PSEN1: variants seen among roughly 807,000 people sequenced by gnomAD.
PSEN1 encodes the protein presenilin-1.
In PSEN1, 15 loss-of-function variants were observed where a neutral mutation model predicts 53.5. The ratio of observed to expected loss-of-function variants is 0.28; its 90% confidence interval spans 0.19 to 0.43. The LOEUF is 0.43. Ranked by LOEUF, PSEN1 falls within the 20% of genes least tolerant of loss-of-function variation. PSEN1 has a pLI of 1.00. For missense variants in PSEN1, 387 were observed against 571.2 expected (o/e 0.68, Z 3.29); for synonymous variants, 208 against 209.8 (o/e 0.99, Z 0.08).
intron 7 of PSEN1, among the ~76,000 whole-genome samples, chr14:73,197,469 T>G (rs1899002163): frequency 6.6e-6 from 1 of 152,234 alleles, no homozygotes; most frequent in South Asian, 2.1e-4. Context: ...TTATTTAAAT[T>G]TACTGCCCTC....
At position 73,221,014 on chromosome 14, in the gene PSEN1, A is replaced by G. The variant is rs886050671; in HGVS notation, c.*1725A>G. On this transcript the variant is annotated 3_prime_UTR_variant, in exon 12 of 12. Coordinates refer to ENST00000324501, the MANE Select transcript of PSEN1 (RefSeq NM_000021.4). ...GTTTTCTCTCCCAATCTATGATATG[A>G]TATGACCTGGTTTGGGGCTGTCTTT... 17 of 152,140 alleles carry G rather than the reference A, an allele frequency of 1.1e-4. No individual in the cohort carries two copies. The highest frequency in any genetic ancestry group is 1.8e-4 in the Non-Finnish European group (12 of 68,062). The allele number at this position is 152,140 out of a possible 1,614,324, so 9.4% of individuals were successfully genotyped here.
chr14:73,192,574 A>G, intron 6 of PSEN1, 70 bp from the exon 7 acceptor site: 1 of 1,085,144 alleles, frequency 9.2e-7, no homozygotes, highest in Non-Finnish European at 1.4e-6. Flanking sequence ...GGGAGCCATC[A>G]CATTATTCTA....
intron 6 of PSEN1, among the ~76,000 whole-genome samples, chr14:73,188,677 G>A (rs529495032): frequency 1.5e-4 from 23 of 152,268 alleles, no homozygotes; most frequent in African/African-American, 5.5e-4. Context: ...ATTATAAAAT[G>A]TATGCATCTC....
At chr14:73,210,996 C>T (rs936933743) in intron 9 of PSEN1, among the ~76,000 whole-genome samples, 4 of 152,174 alleles carry the variant, frequency 2.6e-5, no homozygotes, top group East Asian at 1.9e-4. Flanking sequence ...ACTCCCCGCT[C>T]CTTTCCCAAT....
chr14:73,157,337 C>T (rs1255079036), intron 3 of PSEN1, among the ~76,000 whole-genome samples: 1 of 151,670 alleles, frequency 6.6e-6, no homozygotes, highest in Non-Finnish European at 1.5e-5. Flanking sequence ...TGGGGTTTCA[C>T]CGTGTTGGCC....
At chr14:73,162,453 T>C (rs1897578709) in intron 3 of PSEN1, among the ~76,000 whole-genome samples, 1 of 148,050 alleles carries the variant, frequency 6.8e-6, no homozygotes, top group Non-Finnish European at 1.5e-5. Flanking sequence ...GCGCGCTCTC[T>C]CTCTCTCTCT....
chr14:73,161,548 T>A (rs763772976), intron 3 of PSEN1, among the ~76,000 whole-genome samples: 2 of 152,140 alleles, frequency 1.3e-5, no homozygotes, highest in African/African-American at 4.8e-5. Flanking sequence ...TGGATTAAAT[T>A]TAGCAACAGA....
chr14:73,164,548 G>A (rs1377949978), intron 3 of PSEN1, among the ~76,000 whole-genome samples: 1 of 152,110 alleles, frequency 6.6e-6, no homozygotes, highest in African/African-American at 2.4e-5. Context: ...ACCCTATCAG[G>A]AGATACTTTT....
At chr14:73,138,305 G>T (rs1253747286) in intron 1 of PSEN1, among the ~76,000 whole-genome samples, 1 of 151,410 alleles carries the variant, frequency 6.6e-6, no homozygotes, top group Non-Finnish European at 1.5e-5. Context: ...TGCAAGCTCC[G>T]CCTCCCGGGT....
chr14:73,202,765 C>T (rs1899282397), intron 8 of PSEN1, among the ~76,000 whole-genome samples: 1 of 151,790 alleles, frequency 6.6e-6, no homozygotes, highest in African/African-American at 2.4e-5. Flanking sequence ...AGCCACCGTG[C>T]CCAGCCTATC....
In PSEN1 at chr14:73,192,685, C is replaced by G; in HGVS notation, c.590C>G (p.Thr197Ser). 2 of 1,614,068 alleles carry G rather than the reference C, an allele frequency of 1.2e-6. No homozygotes were observed. The highest frequency in any genetic ancestry group is 1.7e-6 in the Non-Finnish European group (2 of 1,179,988). The change falls in exon 7 of 12, where the codon ACT (threonine) becomes AGT (serine). Residue 197 changes from threonine (T) to serine (S), a missense_variant. Physicochemically the swap from Thr to Ser is moderately conservative, Grantham distance 58. This residue lies in a region of PSEN1 where 169 missense variants were observed against 299.7 expected (regional missense o/e 0.56). Coordinates refer to ENST00000324501, the MANE Select transcript of PSEN1 (RefSeq NM_000021.4). Reference protein sequence around the residue: ...KTYNVAVDYITVALLIWNFGV... With the variant: ...KTYNVAVDYISVALLIWNFGV... Reference sequence around the variant, plus strand: ...TATAACGTTGCTGTGGACTACATTACTGTTGCACTCCTGATCTGGAATTTT... The same window carrying G: ...TATAACGTTGCTGTGGACTACATTAGTGTTGCACTCCTGATCTGGAATTTT...
Position 73,196,932 on chromosome 14 carries a change from CT to C in PSEN1, c.770-1081del, listed in dbSNP as rs557577799. On this transcript the variant is annotated intron_variant, in intron 7 of 11. Coordinates refer to ENST00000324501, the MANE Select transcript of PSEN1 (RefSeq NM_000021.4). Reference sequence around the variant, plus strand: ...TATTCTGAATTTTCTTTCTTTCTTTCTTTTTTTTTTTTTTTTTTGAGACGGA... The same window carrying C: ...TATTCTGAATTTTCTTTCTTTCTTTCTTTTTTTTTTTTTTTTTGAGACGGA... 7.6e-3 allele frequency among the ~76,000 whole-genome samples: 980 copies of C among 128,824 alleles called. 7 individuals carry two copies. Among genetic ancestry groups the C allele is most frequent in the Admixed American group, 0.039 (476 of 12,360 alleles). The allele number at this position is 128,824 out of a possible 152,430, so 84.5% of individuals were successfully genotyped here.
intron 5 of PSEN1, chr14:73,173,997 A>G: frequency 1.8e-6 from 1 of 566,002 alleles, no homozygotes. Flanking sequence ...TAAAGAAAAC[A>G]AAAAACAAAT....
intron 6 of PSEN1, among the ~76,000 whole-genome samples, chr14:73,190,883 T>C (rs188495286): frequency 2.7e-4 from 41 of 152,378 alleles, no homozygotes; most frequent in Non-Finnish European, 5.6e-4. Flanking sequence ...AGTTTGAGGA[T>C]ACTGGAAATG....
Position 73,144,668 on chromosome 14 carries a change from A to C in PSEN1, c.-135-3127A>C, listed in dbSNP as rs150745286. ...TTTCATCTGTAAAAGGATAAAGGGAATATCATAAATTAGTTTGTTAAGCCT... is the reference window on the plus strand; with the variant it reads ...TTTCATCTGTAAAAGGATAAAGGGACTATCATAAATTAGTTTGTTAAGCCT... On this transcript the variant is annotated intron_variant, in intron 1 of 11. Transcript: ENST00000324501. Among the ~76,000 whole-genome samples, 12 of 152,312 alleles carry C rather than the reference A, an allele frequency of 7.9e-5. No individual in the cohort carries two copies. In the East Asian group the frequency reaches 1.9e-3, roughly 24 times the overall value.
chr14:73,188,693 A>G (rs1003361347), intron 6 of PSEN1, among the ~76,000 whole-genome samples: 2 of 152,204 alleles, frequency 1.3e-5, no homozygotes, highest in African/African-American at 4.8e-5. Flanking sequence ...ATCTCATTCT[A>G]AAGGCCAATG....
At chr14:73,139,826 A>G (rs1896867464) in intron 1 of PSEN1, among the ~76,000 whole-genome samples, 2 of 152,206 alleles carry the variant, frequency 1.3e-5, no homozygotes, top group South Asian at 2.1e-4. Flanking sequence ...GTTGATTGAA[A>G]GATATTAATA....
intron 5 of PSEN1, among the ~76,000 whole-genome samples, chr14:73,174,967 A>T (rs1383869782): frequency 6.6e-6 from 1 of 152,150 alleles, no homozygotes; most frequent in Non-Finnish European, 1.5e-5. Flanking sequence ...CATACCTTAG[A>T]AAAAATTACA....
chr14:73,219,479 C>A lies in PSEN1; in HGVS notation c.*190C>A. On this transcript the variant is annotated 3_prime_UTR_variant, in exon 12 of 12. Coordinates refer to ENST00000324501, the MANE Select transcript of PSEN1 (RefSeq NM_000021.4). ...TTTGGAAGGAGGTGCCTATAGAAAA[C>A]GATTTTGAACATACTTCATCGCAGT... The A allele has an allele frequency of 7.8e-6, 5 of 643,446 alleles. No homozygotes were observed. The highest frequency in any genetic ancestry group is 8.3e-6 in the Non-Finnish European group (3 of 363,156). 39.9% of individuals were successfully genotyped at this position (643,446 alleles called of 1,614,324 possible). A position where few individuals can be genotyped will look rare whatever the true frequency, so the allele number is the denominator to read the frequency against.
Sources: gnomAD v4.1 joint callset for allele counts (sites outside exome capture counted in the v4.1 genomes callset) on GRCh38, gnomAD v4.1.1 for gene constraint, gnomAD v4.1.1 regional missense constraint, MANE v1.5 for transcripts, NCBI Gene and HGNC (gene_info 2026-07-23, HGNC 2026-07-21) for gene names.